TTC5: variants seen among roughly 807,000 people sequenced by gnomAD.
TTC5 encodes the protein tetratricopeptide repeat protein 5.
In TTC5, 46 loss-of-function variants were observed where a neutral mutation model predicts 57.4. The ratio of observed to expected loss-of-function variants is 0.80; its 90% CI spans 0.63 to 1.03. TTC5 has a LOEUF of 1.03. Among genes scored for constraint, TTC5 ranks in the 50% least tolerant of loss-of-function variants. The pLI is 0.00. For synonymous variants in TTC5, 190 were observed against 203.5 expected, an observed-to-expected ratio of 0.93 and a Z score of 0.57; for missense variants, 504 against 528.1, an observed-to-expected ratio of 0.95 and a Z score of 0.45.
intron 5 of TTC5, among the ~76,000 whole-genome samples, chr14:20,297,860 T>A (rs985408753): frequency 1.4e-4 from 22 of 152,162 alleles, no homozygotes; most frequent in African/African-American, 5.1e-4. Context: ...CTTTAAAATG[T>A]AAACATTCAC....
intron 8 of TTC5, chr14:20,293,862 G>C (rs148531081): frequency 6.6e-6 from 1 of 152,238 alleles, no homozygotes. Flanking sequence ...ATTTAGGTGA[G>C]TAATACTGAA....
At position 20,288,649 on chromosome 14, in the gene TTC5, C is replaced by T. The variant is rs1287646444; in HGVS notation, c.*978G>A. 1 of 152,232 alleles carries T rather than the reference C, an allele frequency of 6.6e-6. No homozygotes were observed. Among genetic ancestry groups the T allele is most frequent in the Non-Finnish European group, 1.5e-5 (1 of 68,058 alleles). The allele number at this position is 152,232 out of a possible 1,614,324, so 9.4% of individuals were successfully genotyped here. On this transcript the variant is annotated 3_prime_UTR_variant, in exon 10 of 10. Coordinates refer to ENST00000258821, the MANE Select transcript of TTC5 (RefSeq NM_138376.3). Reference sequence around the variant, plus strand: ...CAGGCTGATCTTGAACTCCTGACCTCGTGATCCACCCGCCTTGGACTCCCA... The same window carrying T: ...CAGGCTGATCTTGAACTCCTGACCTTGTGATCCACCCGCCTTGGACTCCCA...
chr14:20,305,836 G>A (rs1183961856), intron 1 of TTC5, 51 bp downstream of exon 1: 2 of 1,560,116 alleles, frequency 1.3e-6, no homozygotes, highest in Non-Finnish European at 1.8e-6. Context: ...TGGACTCCCT[G>A]CTTCATTCGG....
At chr14:20,290,721 A>C (rs576774389) in intron 9 of TTC5, among the ~76,000 whole-genome samples, 1 of 152,354 alleles carries the variant, frequency 6.6e-6, no homozygotes, top group East Asian at 1.9e-4. Flanking sequence ...TCATAGATAC[A>C]AGCAAAGATA....
intron 7 of TTC5, 76 bp from the exon 8 acceptor site, chr14:20,295,602 C>T: frequency 6.4e-7 from 1 of 1,555,030 alleles, no homozygotes; most frequent in Non-Finnish European, 8.7e-7. Flanking sequence ...CCCTCCCACC[C>T]ACTTCTATAG....
In TTC5 at chr14:20,299,387, G is replaced by A; in HGVS notation, c.458C>T (p.Thr153Ile). 1 of 1,614,110 alleles carries A rather than the reference G, an allele frequency of 6.2e-7. No individual in the cohort carries two copies. The highest frequency in any genetic ancestry group is 8.5e-7 in the Non-Finnish European group (1 of 1,180,026). ...GACATGGTGAGAATGTTCATCTTCA[G>A]TGTCAGTCCGCAGCTGACGAAGCAC... Reference protein sequence around the residue: ...SMVLRQLRTDTEDEHSHHVMD... With the variant: ...SMVLRQLRTDIEDEHSHHVMD... The change falls in exon 4 of 10, where the codon ACT (threonine) becomes ATT (isoleucine). Residue 153 changes from threonine to isoleucine, a missense_variant. Physicochemically the swap from Thr to Ile is moderately conservative, Grantham distance 89. Transcript: ENST00000258821.
chr14:20,305,916 C>A lies in TTC5; in HGVS notation c.22G>T (p.Glu8Ter). The change falls in exon 1 of 10, where the codon GAA becomes TAA. Residue 8 changes from glutamate (E) to a stop codon, truncating the protein, a stop_gained. Transcript: ENST00000258821. LOFTEE classifies it high-confidence loss of function. The stretch of plus-strand genomic sequence containing the variant: ...AATTTCTGCAAGATCGGCTTGACTT[C>A]TTCCTCTTCATCAGCCATCATCTCC... Reference protein sequence around the residue: MMADEEEEVKPILQKLQE... With the variant: MMADEEE 1 of 1,614,140 alleles carries A rather than the reference C, an allele frequency of 6.2e-7. No individual in the cohort carries two copies. Among genetic ancestry groups the A allele is most frequent in the Non-Finnish European group, 8.5e-7 (1 of 1,180,028 alleles).
chr14:20,295,188 A>C, intron 8 of TTC5, 124 bp downstream of exon 8: 1 of 839,360 alleles, frequency 1.2e-6, no homozygotes, highest in South Asian at 1.6e-5. Flanking sequence ...GGATAGTCAC[A>C]GAAGGAAATC....
chr14:20,299,369 T>C lies in TTC5; in HGVS notation c.476A>G (p.His159Arg). 1 of 1,614,080 alleles carries C rather than the reference T, an allele frequency of 6.2e-7. No homozygotes were observed. Among genetic ancestry groups the C allele is most frequent in the Non-Finnish European group, 8.5e-7 (1 of 1,179,968 alleles). The change falls in exon 4 of 10, where the codon CAC (histidine) becomes CGC (arginine). Residue 159 changes from histidine to arginine, a missense_variant. Coordinates refer to ENST00000258821, the MANE Select transcript of TTC5 (RefSeq NM_138376.3). Reference protein sequence around the residue: ...LRTDTEDEHSHHVMDSVRQAK... With the variant: ...LRTDTEDEHSRHVMDSVRQAK... ...CTGTCGGACACTGTCCATGACATGGTGAGAATGTTCATCTTCAGTGTCAGT... is the reference window on the plus strand; with the variant it reads ...CTGTCGGACACTGTCCATGACATGGCGAGAATGTTCATCTTCAGTGTCAGT...
intron 3 of TTC5, 55 bp from the exon 4 acceptor site, chr14:20,299,503 G>C (rs1199018256): frequency 6.4e-7 from 1 of 1,570,610 alleles, no homozygotes; most frequent in African/African-American, 1.3e-5. Context: ...CCCCTTTCCA[G>C]ATCTATTCTG....
chr14:20,289,634 C>T lies in TTC5; in HGVS notation c.1316G>A (p.Cys439Tyr), dbSNP rs1406211224. 1 of 1,612,924 alleles carries T rather than the reference C, an allele frequency of 6.2e-7. No homozygotes were observed. Among genetic ancestry groups the T allele is most frequent in the African/African-American group, 1.3e-5 (1 of 75,056 alleles). ...GAGCATGCAAGTCAAAGGTCATTCACACTGTGGTCGCGATGCCACTGTGGC... is the reference window on the plus strand; with the variant it reads ...GAGCATGCAAGTCAAAGGTCATTCATACTGTGGTCGCGATGCCACTGTGGC... ...AVATVASRPQ[C>Y]E is the part of the protein sequence containing the mutation. The change falls in exon 10 of 10, where the codon TGT becomes TAT. Residue 439 changes from cysteine (C) to tyrosine (Y), a missense_variant. Transcript: ENST00000258821.
At chr14:20,298,663 A>C in intron 5 of TTC5, 134 bp downstream of exon 5, 2 of 643,426 alleles carry the variant, frequency 3.1e-6, no homozygotes, top group Non-Finnish European at 5.4e-6. Flanking sequence ...CATCTTTGCA[A>C]AATCACAAAA....
chr14:20,289,840 C>G, intron 9 of TTC5, 94 bp from the exon 10 acceptor site: 1 of 1,363,020 alleles, frequency 7.3e-7, no homozygotes, highest in Non-Finnish European at 9.9e-7. Flanking sequence ...TCTGCACCAC[C>G]TCCCCTGTTG....
At chr14:20,289,888 T>G in intron 9 of TTC5, 142 bp from the exon 10 acceptor site, 1 of 932,028 alleles carries the variant, frequency 1.1e-6, no homozygotes, top group Admixed American at 3.1e-5. Context: ...CAGACAAAAC[T>G]GAGCTAACAC....
intron 2 of TTC5, among the ~76,000 whole-genome samples, chr14:20,301,469 T>C (rs1882188799): frequency 6.6e-6 from 1 of 151,652 alleles, no homozygotes; most frequent in Non-Finnish European, 1.5e-5. Context: ...TCTTTAAAGA[T>C]ACCTGAGCAA....
chr14:20,300,433 G>T, intron 3 of TTC5, 174 bp downstream of exon 3: 1 of 582,000 alleles, frequency 1.7e-6, no homozygotes, highest in Non-Finnish European at 3.0e-6. Flanking sequence ...CCTTTCCCAG[G>T]CCCCTGCCTC....
chr14:20,297,630 G>C (rs1300111314), intron 5 of TTC5, among the ~76,000 whole-genome samples: 1 of 152,082 alleles, frequency 6.6e-6, no homozygotes, highest in Non-Finnish European at 1.5e-5. Context: ...AATTAGGCGG[G>C]CATGGTGTGG....
At chr14:20,302,054 G>C (rs1882204824) in intron 1 of TTC5, 89 bp from the exon 2 acceptor site, 1 of 1,418,098 alleles carries the variant, frequency 7.1e-7, no homozygotes, top group African/African-American at 1.4e-5. Flanking sequence ...TCTTGGTCTA[G>C]AAATACCAAT....
rs574491195 is a variant in TTC5, at chr14:20,286,543, A to T, written c.*3084T>A. The T allele has an allele frequency of 1.8e-4, 27 of 152,130 alleles. No homozygotes were observed. Among genetic ancestry groups the T allele is most frequent in the Non-Finnish European group, 3.4e-4 (23 of 68,014 alleles). The allele number at this position is 152,130 out of a possible 1,614,324, so 9.4% of individuals were successfully genotyped here. ...TGGGCTATTTACTCATTATGAAAAA[A>T]ATTATATCCGTACATAACATAAAAT... On this transcript the variant is annotated 3_prime_UTR_variant, in exon 10 of 10. Coordinates refer to ENST00000258821, the MANE Select transcript of TTC5 (RefSeq NM_138376.3).
Sources: gnomAD v4.1 joint callset for allele counts (sites outside exome capture counted in the v4.1 genomes callset) on GRCh38, gnomAD v4.1.1 for gene constraint, MANE v1.5 for transcripts, NCBI Gene and HGNC (gene_info 2026-07-23, HGNC 2026-07-21) for gene names.